Variants in ZC3H18 observed in about 807,000 individuals in gnomAD.
ZC3H18 encodes the protein zinc finger CCCH-type containing 18, also known as zinc finger CCCH domain-containing protein 18.
Under a neutral mutation model 106.1 loss-of-function variants are expected in ZC3H18, and 8 were observed. The ratio of observed to expected loss-of-function variants is 0.08; its 90% CI spans 0.04 to 0.14. The LOEUF is 0.14. Ranked by LOEUF, ZC3H18 falls within the 10% of genes least tolerant of loss-of-function variation. The pLI, the probability that ZC3H18 is intolerant of heterozygous loss-of-function variation, is 1.00. For synonymous variants in ZC3H18, 635 were observed against 522.1 expected (o/e 1.22, Z -2.95); for missense variants, 1,318 against 1,278.4 (o/e 1.03, Z -0.47).
In ZC3H18 at chr16:88,578,525, G is replaced by C. The variant is rs530607760; in HGVS notation, c.603+799G>C. 2.0e-5 allele frequency among the ~76,000 whole-genome samples: 3 copies of C among 149,104 alleles called. No homozygotes were observed. In the East Asian group the frequency reaches 6.1e-4, roughly 30 times the overall value. On this transcript the variant is annotated intron_variant, in intron 2 of 17. Coordinates refer to ENST00000301011, the MANE Select transcript of ZC3H18 (RefSeq NM_144604.4). Reference sequence around the variant, plus strand: ...GGGACAGAGCAGTTGAACTGAACTGGGTTTTTGTTGTTTTTTTTTTGAAAG... The same window carrying C: ...GGGACAGAGCAGTTGAACTGAACTGCGTTTTTGTTGTTTTTTTTTTGAAAG...
chr16:88,596,363 C>T (rs552652914), intron 3 of ZC3H18, among the ~76,000 whole-genome samples: 2 of 152,126 alleles, frequency 1.3e-5, no homozygotes, highest in African/African-American at 2.4e-5. Context: ...GTACAGAGGC[C>T]GAGTGTGGTG....
At chr16:88,590,174 A>G (rs554130540) in intron 3 of ZC3H18, among the ~76,000 whole-genome samples, 33 of 152,268 alleles carry the variant, frequency 2.2e-4, no homozygotes, top group African/African-American at 7.7e-4. Context: ...GCTGGTCTCA[A>G]ATACTAGGCT....
rs1019284283 is a variant in ZC3H18, at chr16:88,598,453, C to T, written c.837+127C>T. On this transcript the variant is annotated intron_variant, in intron 4 of 17. Coordinates refer to ENST00000301011, the MANE Select transcript of ZC3H18 (RefSeq NM_144604.4). ...GCCCCCTTTCGGCTGCTTCTGTCGT[C>T]CCGAGTGGAAGCAGGCCTCGGCTTT... The T allele has an allele frequency of 4.0e-6, 6 of 1,487,626 alleles. No individual in the cohort carries two copies. The African/African-American group carries it at 5.6e-5, about 14-fold the overall frequency. 92.2% of individuals were successfully genotyped at this position (1,487,626 alleles called of 1,614,324 possible).
chr16:88,611,036 C>T (rs189026028), intron 7 of ZC3H18, among the ~76,000 whole-genome samples: 1 of 152,346 alleles, frequency 6.6e-6, no homozygotes, highest in African/African-American at 2.4e-5. Flanking sequence ...GAGATGAGAT[C>T]CCCACTTGAG....
intron 1 of ZC3H18, among the ~76,000 whole-genome samples, chr16:88,576,561 G>A (rs1047641474): frequency 2.6e-5 from 4 of 152,094 alleles, no homozygotes; most frequent in Non-Finnish European, 4.4e-5. Flanking sequence ...AGGGATTCTC[G>A]GAGGCCCTCA....
At chr16:88,606,310 G>A (rs557557116) in intron 6 of ZC3H18, among the ~76,000 whole-genome samples, 7 of 152,350 alleles carry the variant, frequency 4.6e-5, no homozygotes, top group South Asian at 4.1e-4. Context: ...TCCTGGTGGC[G>A]TGTTGTGTTG....
Position 88,627,334 on chromosome 16 carries a change from G to T in ZC3H18, c.2109-288G>T, listed in dbSNP as rs538181408. 3.3e-5 allele frequency: 10 copies of T among 305,900 alleles called. No individual in the cohort carries two copies. In the East Asian group the frequency reaches 5.7e-4, roughly 18 times the overall value. 18.9% of individuals were successfully genotyped at this position (305,900 alleles called of 1,614,324 possible). On this transcript the variant is annotated intron_variant, in intron 13 of 17. Transcript: ENST00000301011. This position sits in a 1 kb window ranked among gnomAD's most constrained non-coding sequence, Gnocchi z 4.5. The stretch of plus-strand genomic sequence containing the variant: ...AGCTGGGTCTCAGACCCCATTGCTC[G>T]TGACGAGATCTGCCCATCTCAGTCT...
At chr16:88,606,513 C>T (rs1038222135) in intron 6 of ZC3H18, among the ~76,000 whole-genome samples, 2 of 152,242 alleles carry the variant, frequency 1.3e-5, no homozygotes, top group East Asian at 3.8e-4. Flanking sequence ...TCAGAGAACA[C>T]ACGCCTCACA....
intron 16 of ZC3H18, among the ~76,000 whole-genome samples, chr16:88,629,073 T>A (rs570044309): frequency 2.3e-4 from 35 of 152,384 alleles, no homozygotes; most frequent in African/African-American, 8.4e-4. Flanking sequence ...GCGTGGTGGC[T>A]CACGCCTATA....
intron 15 of ZC3H18, among the ~76,000 whole-genome samples, chr16:88,628,389 C>T (rs539791099): frequency 6.6e-6 from 1 of 152,200 alleles, no homozygotes; most frequent in Admixed American, 6.5e-5. Flanking sequence ...CCCTGCCATG[C>T]AGTCTCAACA....
rs113336809 is a variant in ZC3H18 at position 88,591,822 on chromosome 16, T to A, written c.688+5138T>A. Among the ~76,000 whole-genome samples, 1,446 of 152,256 alleles carry A rather than the reference T, an allele frequency of 9.5e-3. 8 individuals carry two copies. The highest frequency in any genetic ancestry group is 0.014 in the Non-Finnish European group (958 of 68,020). ...TTTGTGGAACTGCTGGCAGCGGAGTTTCTGATGACGTGGTGGTTGTGTGTT... is the reference window on the plus strand; with the variant it reads ...TTTGTGGAACTGCTGGCAGCGGAGTATCTGATGACGTGGTGGTTGTGTGTT... On this transcript the variant is annotated intron_variant, in intron 3 of 17. Transcript: ENST00000301011.
chr16:88,625,257 T>C lies in ZC3H18; in HGVS notation c.2098T>C (p.Ser700Pro). 6.3e-7 allele frequency: 1 copy of C among 1,590,982 alleles called. No individual in the cohort carries two copies. Residue 700 changes from serine to proline, a missense_variant, in exon 13 of 18, where the codon TCC becomes CCC. Ser to Pro is a moderately conservative substitution (Grantham distance 74). This residue lies in a region of ZC3H18 where 848 missense variants were observed against 821.7 expected (regional missense o/e 1.03). Coordinates refer to ENST00000301011, the MANE Select transcript of ZC3H18 (RefSeq NM_144604.4). ...GSGSSYSGSS[S>P]RSRSLSVSSV... The stretch of plus-strand genomic sequence containing the variant: ...TGGTAGCAGCTATAGTGGTTCCAGC[T>C]CCCGATCCAGGTCATCCCCATCACC...
In ZC3H18 at chr16:88,627,460, A is replaced by T; in HGVS notation, c.2109-162A>T. 1 of 950,366 alleles carries T rather than the reference A, an allele frequency of 1.1e-6. No homozygotes were observed. Among genetic ancestry groups the T allele is most frequent in the Non-Finnish European group, 1.5e-6 (1 of 657,334 alleles). The allele number at this position is 950,366 out of a possible 1,614,324, so 58.9% of individuals were successfully genotyped here. ...TGGCCTAGCCATGGGGACGTCCCTT[A>T]CTTTGTAACCCTGAAACTGCCCAGT... On this transcript the variant is annotated intron_variant, in intron 13 of 17. Transcript: ENST00000301011. This position sits in a 1 kb window ranked among gnomAD's most constrained non-coding sequence, Gnocchi z 4.5.
chr16:88,591,428 T>C (rs72809438), intron 3 of ZC3H18, among the ~76,000 whole-genome samples: 26,716 of 152,120 alleles, frequency 0.18, 2,366 homozygotes, highest in East Asian at 0.24. Flanking sequence ...CAAAATTAGC[T>C]GGGGGTGGTA....
chr16:88,577,064 T>C (rs894713541), intron 1 of ZC3H18, 46 bp from the exon 2 acceptor site: 1 of 1,500,068 alleles, frequency 6.7e-7, no homozygotes, highest in Non-Finnish European at 8.9e-7. Flanking sequence ...CAAGGTTTGT[T>C]TTCCATTTTG....
In ZC3H18 at chr16:88,598,456, G is replaced by A. The variant is rs535510506; in HGVS notation, c.837+130G>A. ...CCCTTTCGGCTGCTTCTGTCGTCCC[G>A]AGTGGAAGCAGGCCTCGGCTTTCCG... On this transcript the variant is annotated intron_variant, in intron 4 of 17. Transcript: ENST00000301011. The A allele has an allele frequency of 4.5e-5, 67 of 1,483,070 alleles. 1 individual carries two copies. In the South Asian group the frequency reaches 6.5e-4, roughly 14 times the overall value. The allele number at this position is 1,483,070 out of a possible 1,614,324, so 91.9% of individuals were successfully genotyped here.
In ZC3H18 at chr16:88,622,342, C is replaced by A. The variant is rs1233259804; in HGVS notation, c.1621C>A (p.Arg541Ser). 6.2e-7 allele frequency: 1 copy of A among 1,613,414 alleles called. No individual in the cohort carries two copies. The highest frequency in any genetic ancestry group is 1.7e-5 in the Admixed American group (1 of 59,928). Residue 541 changes from arginine to serine, a missense_variant, in exon 9 of 18, where the codon CGT (arginine) becomes AGT (serine). Arg to Ser is a moderately radical substitution (Grantham distance 110). Around this residue, in one of 6 missense-constraint regions of ZC3H18, gnomAD observed 848 missense variants for 821.7 expected, o/e 1.03. Transcript: ENST00000301011. ...VSVSPSRARR[R>S]RKTSASSASA... ...GGTCTCCCCGAGCCGGGCTCGAAGG[C>A]GTCGGAAAACATCAGCCTCGTCAGC...
intron 3 of ZC3H18, among the ~76,000 whole-genome samples, chr16:88,594,292 TTAAA>T (rs1211375849): frequency 3.3e-5 from 5 of 151,874 alleles, no homozygotes; most frequent in Non-Finnish European, 4.4e-5. Flanking sequence ...CTTGTTATTG[TTAAA>T]TAATGAGATA....
intron 3 of ZC3H18, among the ~76,000 whole-genome samples, chr16:88,589,378 A>G (rs189867305): frequency 4.4e-4 from 67 of 152,376 alleles, no homozygotes; most frequent in Non-Finnish European, 7.8e-4. Flanking sequence ...TCACAGCAGC[A>G]TAATTTCCAG....
Sources: allele counts gnomAD v4.1 joint callset (sites outside exome capture counted in the v4.1 genomes callset), GRCh38; gene constraint gnomAD v4.1.1; regional missense constraint gnomAD v4.1.1; non-coding constraint Gnocchi (gnomAD v3.1); transcripts MANE v1.5; gene names NCBI Gene and HGNC (gene_info 2026-07-23, HGNC 2026-07-21).